GABRB3: variants seen among roughly 807,000 people sequenced by gnomAD.
GABRB3 encodes the protein gamma-aminobutyric acid type A receptor subunit beta3.
Under a neutral mutation model 52.1 loss-of-function variants are expected in GABRB3, and 14 were observed. That is an observed-to-expected ratio of 0.27 (90% CI 0.18 to 0.42). The LOEUF is 0.42. Ranked by LOEUF, GABRB3 falls within the 10% of genes least tolerant of loss-of-function variation. GABRB3 has a pLI of 1.00. For missense variants in GABRB3, 307 were observed against 609.1 expected, an observed-to-expected ratio of 0.50 and a Z score of 5.22; for synonymous variants, 260 against 232.3, an observed-to-expected ratio of 1.12 and a Z score of -1.08.
At chr15:26,638,408 G>C (rs1414083082) in intron 3 of GABRB3, among the ~76,000 whole-genome samples, 1 of 152,182 alleles carries the variant, frequency 6.6e-6, no homozygotes, top group Non-Finnish European at 1.5e-5. Context: ...TAGGTCTAAA[G>C]GTTAGATTAC....
intron 3 of GABRB3, among the ~76,000 whole-genome samples, chr15:26,633,899 G>C (rs182145621): frequency 1.1e-3 from 168 of 152,322 alleles, no homozygotes; most frequent in African/African-American, 4.0e-3. Context: ...TTGAGCGTTA[G>C]CCGTCTCTTG....
intron 3 of GABRB3, among the ~76,000 whole-genome samples, chr15:26,633,643 G>A (rs1892966680): frequency 6.6e-6 from 1 of 152,136 alleles, no homozygotes; most frequent in African/African-American, 2.4e-5. Flanking sequence ...ATAAGATACT[G>A]TGGCGAGCAA....
chr15:26,706,133 G>C (rs1175148833), intron 3 of GABRB3, among the ~76,000 whole-genome samples: 2 of 152,072 alleles, frequency 1.3e-5, no homozygotes, highest in Non-Finnish European at 2.9e-5. Context: ...ACAAAACAAA[G>C]ACTATCCCAC....
At chr15:26,564,587 A>C (rs1890097512) in intron 7 of GABRB3, among the ~76,000 whole-genome samples, 3 of 152,188 alleles carry the variant, frequency 2.0e-5, no homozygotes, top group Admixed American at 2.0e-4. Context: ...ATGCATTTAG[A>C]AGCAATGTGT....
chr15:26,749,798 G>A (rs1353075926), intron 3 of GABRB3: 2 of 152,230 alleles, frequency 1.3e-5, no homozygotes, highest in African/African-American at 2.4e-5. Flanking sequence ...CTTGTCAGCA[G>A]TGTCAGGTTG....
At chr15:26,563,660 T>C (rs548122754) in intron 7 of GABRB3, among the ~76,000 whole-genome samples, 3 of 152,302 alleles carry the variant, frequency 2.0e-5, no homozygotes, top group East Asian at 3.9e-4. Context: ...CAAATAATCA[T>C]ATGACTATCA....
At chr15:26,649,695 T>A (rs540414451) in intron 3 of GABRB3, among the ~76,000 whole-genome samples, 1 of 149,182 alleles carries the variant, frequency 6.7e-6, no homozygotes, top group South Asian at 2.1e-4. Flanking sequence ...TGTGTGTGTG[T>A]GAAATTAGAG....
At chr15:26,559,082 CTCATGATCCAA>C (rs1468912313) in intron 8 of GABRB3, among the ~76,000 whole-genome samples, 1 of 152,122 alleles carries the variant, frequency 6.6e-6, no homozygotes. Flanking sequence ...ATAAACCGCC[CTCATGATCCAA>C]TCATCTCCCA....
intron 6 of GABRB3, among the ~76,000 whole-genome samples, chr15:26,574,558 C>A (rs1890523671): frequency 1.3e-5 from 2 of 152,132 alleles, no homozygotes; most frequent in South Asian, 2.1e-4. Flanking sequence ...CAGTATATTT[C>A]TTCGGCAATA....
intron 3 of GABRB3, among the ~76,000 whole-genome samples, chr15:26,744,993 C>G (rs552257419): frequency 5.3e-5 from 8 of 152,136 alleles, no homozygotes; most frequent in Non-Finnish European, 1.0e-4. Flanking sequence ...GCTAGAGAGG[C>G]CTCGGGGAAC....
chr15:26,600,156 C>T (rs957717259), intron 4 of GABRB3, among the ~76,000 whole-genome samples: 2 of 151,666 alleles, frequency 1.3e-5, no homozygotes, highest in African/African-American at 2.4e-5. Context: ...AATCAGTAAG[C>T]TGGAAGACAA....
chr15:26,571,194 A>T (rs1020536424), intron 6 of GABRB3, among the ~76,000 whole-genome samples: 1 of 136,404 alleles, frequency 7.3e-6, no homozygotes, highest in Non-Finnish European at 1.6e-5. Flanking sequence ...TGCTTCAGGT[A>T]AATCTTACTA....
At chr15:26,554,043 A>ATATATT (rs1487375439) in intron 8 of GABRB3, among the ~76,000 whole-genome samples, 3 of 108,154 alleles carry the variant, frequency 2.8e-5, no homozygotes, top group African/African-American at 1.1e-4. Flanking sequence ...ATATTTATTT[A>ATATATT]TTTATATTTA....
At chr15:26,646,718 G>GT (rs1375677614) in intron 3 of GABRB3, among the ~76,000 whole-genome samples, 1 of 152,108 alleles carries the variant, frequency 6.6e-6, no homozygotes, top group Non-Finnish European at 1.5e-5. Context: ...ATTATTTTCT[G>GT]TTTTTTAAAA....
At position 26,547,762 on chromosome 15, in the gene GABRB3, ATGAAGTCTT is replaced by A; in HGVS notation, c.*22_*30del. 1 of 1,569,424 alleles carries A rather than the reference ATGAAGTCTT, an allele frequency of 6.4e-7. No individual in the cohort carries two copies. The highest frequency in any genetic ancestry group is 8.8e-7 in the Non-Finnish European group (1 of 1,139,748). On this transcript the variant is annotated 3_prime_UTR_variant, in exon 9 of 9. Transcript: ENST00000311550. ...AGAGTAATATTTCACTCAGTGTTAA[ATGAAGTCTT>A]TGAAAAATCAAGTACAGTCACTCAG... is the stretch of plus-strand genomic sequence containing the variant.
chr15:26,735,785 CAA>C (rs1453257505), intron 3 of GABRB3, among the ~76,000 whole-genome samples: 2 of 146,304 alleles, frequency 1.4e-5, no homozygotes, highest in Non-Finnish European at 3.0e-5. Flanking sequence ...CCCATTTCCA[CAA>C]AAAAGTAAAA....
chr15:26,758,424 A>G (rs2140180096), intron 3 of GABRB3, among the ~76,000 whole-genome samples: 1 of 152,346 alleles, frequency 6.6e-6, no homozygotes, highest in Middle Eastern at 3.4e-3. Context: ...TTAGAAACTC[A>G]GAGATGCGAT....
intron 3 of GABRB3, among the ~76,000 whole-genome samples, chr15:26,769,519 T>C (rs1017395497): frequency 6.6e-6 from 1 of 152,172 alleles, no homozygotes; most frequent in African/African-American, 2.4e-5. Context: ...CAGAACGGCC[T>C]AGGTGCACAG....
At chr15:26,584,963 A>G (rs1890926645) in intron 4 of GABRB3, among the ~76,000 whole-genome samples, 1 of 152,176 alleles carries the variant, frequency 6.6e-6, no homozygotes, top group Non-Finnish European at 1.5e-5. Context: ...AACAGTAAAG[A>G]TAAGAGTGGA....
Sources: allele counts gnomAD v4.1 joint callset (sites outside exome capture counted in the v4.1 genomes callset), GRCh38; gene constraint gnomAD v4.1.1; transcripts MANE v1.5; gene names NCBI Gene and HGNC (gene_info 2026-07-23, HGNC 2026-07-21).